Variants in AFAP1 observed in about 807,000 individuals in gnomAD.
AFAP1 encodes the protein actin filament-associated protein 1.
In AFAP1, 75 loss-of-function variants were observed where a neutral mutation model predicts 93.9. The ratio of observed to expected loss-of-function variants is 0.80; its 90% CI spans 0.66 to 0.97. The LOEUF (loss-of-function observed/expected upper bound fraction) is 0.97, where lower values mean the gene tolerates loss of function less well. Among genes scored for constraint, AFAP1 ranks in the 50% least tolerant of loss-of-function variants. The probability of loss-of-function intolerance (pLI) is 0.00; values close to 1 mark genes in which losing one functional copy is unlikely to be tolerated. For missense variants in AFAP1, 1,201 were observed against 1,050.8 expected, an observed-to-expected ratio of 1.14 and a Z score of -1.98; for synonymous variants, 517 against 430.7, an observed-to-expected ratio of 1.20 and a Z score of -2.48.
intron 6 of AFAP1, among the ~76,000 whole-genome samples, chr4:7,820,756 GGAGGGAA>G (rs1320640588): frequency 6.6e-6 from 1 of 152,148 alleles, no homozygotes; most frequent in Admixed American, 6.5e-5. Context: ...GTGAGGATGT[GGAGGGAA>G]GAGGGAGGAG....
rs955748805 is a variant in AFAP1 at position 7,758,945 on chromosome 4, C to T, written c.*4820G>A. 2.6e-5 allele frequency: 4 copies of T among 152,214 alleles called. No individual in the cohort carries two copies. Among genetic ancestry groups the T allele is most frequent in the African/African-American group, 7.2e-5 (3 of 41,424 alleles). 9.4% of individuals were successfully genotyped at this position (152,214 alleles called of 1,614,324 possible). A position where few individuals can be genotyped will look rare whatever the true frequency, so the allele number is the denominator to read the frequency against. Reference sequence around the variant, plus strand: ...GAAACAGTGAAAATATATTTACAGTCATTTGAAGTGGGCACTACTAACATA... The same window carrying T: ...GAAACAGTGAAAATATATTTACAGTTATTTGAAGTGGGCACTACTAACATA... On this transcript the variant is annotated 3_prime_UTR_variant, in exon 18 of 18. Coordinates refer to ENST00000420658, the MANE Select transcript of AFAP1 (RefSeq NM_001134647.2).
In AFAP1 at chr4:7,796,003, G is replaced by A. The variant is rs147849203; in HGVS notation, c.1267-2177C>T. 1.6e-3 allele frequency among the ~76,000 whole-genome samples: 244 copies of A among 152,228 alleles called. 1 individual carries two copies. Among genetic ancestry groups the A allele is most frequent in the African/African-American group, 5.7e-3 (237 of 41,528 alleles). On this transcript the variant is annotated intron_variant, in intron 10 of 17. Transcript: ENST00000420658. Reference sequence around the variant, plus strand: ...TGGGTGCATATATGTATGTATGCATGTACGTGTATATATACACTTGTAAGT... The same window carrying A: ...TGGGTGCATATATGTATGTATGCATATACGTGTATATATACACTTGTAAGT...
chr4:7,766,706 C>T (rs1171261441), intron 17 of AFAP1, among the ~76,000 whole-genome samples: 2 of 152,166 alleles, frequency 1.3e-5, no homozygotes, highest in Non-Finnish European at 2.9e-5. Context: ...CCAGCGCCTG[C>T]CCCTCGGGCA....
intron 1 of AFAP1, among the ~76,000 whole-genome samples, chr4:7,929,232 A>T (rs976448913): frequency 6.6e-6 from 1 of 152,182 alleles, no homozygotes; most frequent in African/African-American, 2.4e-5. Flanking sequence ...AGGAGCAGGC[A>T]GTGATCACTG....
intron 3 of AFAP1, among the ~76,000 whole-genome samples, chr4:7,866,335 A>G (rs1032433837): frequency 2.0e-5 from 3 of 152,054 alleles, no homozygotes; most frequent in Admixed American, 2.0e-4. Context: ...TAGCTGGACT[A>G]CAGCTGCACA....
In AFAP1 at chr4:7,760,228, C is replaced by G. The variant is rs1000900707; in HGVS notation, c.*3537G>C. The G allele has an allele frequency of 6.6e-6, 1 of 152,222 alleles. No individual in the cohort carries two copies. Among genetic ancestry groups the G allele is most frequent in the Non-Finnish European group, 1.5e-5 (1 of 68,046 alleles). 9.4% of individuals were successfully genotyped at this position (152,222 alleles called of 1,614,324 possible). On this transcript the variant is annotated 3_prime_UTR_variant, in exon 18 of 18. Transcript: ENST00000420658. ...CAGACTTTTCAAAAGGAGTAAATCT[C>G]CACATTTTAGGGTAGTTTTTGTCTA...
At chr4:7,774,443 C>A (rs1428355873) in intron 15 of AFAP1, 3 of 383,196 alleles carry the variant, frequency 7.8e-6, no homozygotes, top group Non-Finnish European at 1.4e-5. Flanking sequence ...TCCAGACAAT[C>A]TCTGTTGTCA....
chr4:7,825,070 T>C (rs1383175058), intron 6 of AFAP1, among the ~76,000 whole-genome samples: 2 of 152,236 alleles, frequency 1.3e-5, no homozygotes, highest in African/African-American at 2.4e-5. Flanking sequence ...TAAGGGGTAA[T>C]ACAAATATTA....
chr4:7,819,253 G>A, intron 6 of AFAP1, 82 bp from the exon 7 acceptor site: 7 of 1,256,816 alleles, frequency 5.6e-6, no homozygotes, highest in Non-Finnish European at 7.6e-6. Flanking sequence ...TACAGACAGA[G>A]GCACATGGCG....
chr4:7,800,584 A>G lies in AFAP1; in HGVS notation c.1124T>C (p.Ile375Thr). The G allele has an allele frequency of 2.5e-6, 4 of 1,614,202 alleles. No homozygotes were observed. Among genetic ancestry groups the G allele is most frequent in the Non-Finnish European group, 3.4e-6 (4 of 1,180,034 alleles). ...CAGGTCGGTCCTGTCCTTGTGGAAAATGAGCTTGTTATCTTTCACTCGGCA... is the reference window on the plus strand; with the variant it reads ...CAGGTCGGTCCTGTCCTTGTGGAAAGTGAGCTTGTTATCTTTCACTCGGCA... Reference protein sequence around the residue: ...RWCRVKDNKLIFHKDRTDLKT... With the variant: ...RWCRVKDNKLTFHKDRTDLKT... The change falls in exon 10 of 18, where the codon ATT (isoleucine) becomes ACT (threonine). Residue 375 changes from isoleucine (I) to threonine (T), a missense_variant. Physicochemically the swap from Ile to Thr is moderately conservative, Grantham distance 89. Transcript: ENST00000420658.
intron 10 of AFAP1, 53 bp from the exon 11 acceptor site, chr4:7,793,879 TTC>T: frequency 6.9e-7 from 1 of 1,443,594 alleles, no homozygotes; most frequent in Non-Finnish European, 9.3e-7. Flanking sequence ...TTTTTACATT[TTC>T]ATAAATGTGT....
chr4:7,846,540 T>G (rs1296818805), intron 4 of AFAP1, among the ~76,000 whole-genome samples: 1 of 152,228 alleles, frequency 6.6e-6, no homozygotes, highest in African/African-American at 2.4e-5. Context: ...CCCTCAGGGC[T>G]CGGCCCACTT....
At position 7,872,096 on chromosome 4, in the gene AFAP1, G is replaced by T; in HGVS notation, c.-2-16C>A. The T allele has an allele frequency of 6.2e-7, 1 of 1,613,626 alleles. No individual in the cohort carries two copies. Among genetic ancestry groups the T allele is most frequent in the Non-Finnish European group, 8.5e-7 (1 of 1,179,908 alleles). The stretch of plus-strand genomic sequence containing the variant: ...TCTTCCATTGCTGACAACAAAAGAG[G>T]AAGAGTATTATTAGACCCAGTGATT... On this transcript the variant is annotated splice_polypyrimidine_tract_variant and intron_variant, in intron 1 of 17. Transcript: ENST00000420658.
intron 8 of AFAP1, 58 bp downstream of exon 8, chr4:7,815,960 T>G: frequency 6.2e-6 from 9 of 1,454,616 alleles, no homozygotes; most frequent in African/African-American, 1.5e-5. Flanking sequence ...TGGCTGTAGA[T>G]TTTTGTTTTT....
intron 11 of AFAP1, among the ~76,000 whole-genome samples, chr4:7,793,209 C>T (rs963860225): frequency 7.0e-4 from 106 of 152,068 alleles, no homozygotes; most frequent in African/African-American, 2.3e-3. Context: ...AAGTACTTGA[C>T]GGATAGCTTT....
At chr4:7,813,417 GTTGTTC>G (rs1394825324) in intron 8 of AFAP1, among the ~76,000 whole-genome samples, 1 of 152,194 alleles carries the variant, frequency 6.6e-6, no homozygotes, top group African/African-American at 2.4e-5. Flanking sequence ...AGCATAGAAG[GTTGTTC>G]TTGTTAAGAG....
intron 9 of AFAP1, among the ~76,000 whole-genome samples, chr4:7,803,194 G>A (rs1719212076): frequency 6.6e-6 from 1 of 152,204 alleles, no homozygotes; most frequent in African/African-American, 2.4e-5. Context: ...AGGAAGGCAA[G>A]GAGTCCCCTC....
chr4:7,786,651 G>A (rs926477899), intron 11 of AFAP1, among the ~76,000 whole-genome samples: 6 of 152,048 alleles, frequency 3.9e-5, no homozygotes, highest in Non-Finnish European at 5.9e-5. Context: ...GGTACACGCA[G>A]CAAAGTCTGC....
At chr4:7,883,091 A>G (rs13137140) in intron 1 of AFAP1, among the ~76,000 whole-genome samples, 17,342 of 149,682 alleles carry the variant, frequency 0.12, 1,159 homozygotes, top group Non-Finnish European at 0.16. Context: ...AGGCTGAGGC[A>G]GGAGGATCAC....
Sources: gnomAD v4.1 joint callset for allele counts (sites outside exome capture counted in the v4.1 genomes callset) on GRCh38, gnomAD v4.1.1 for gene constraint, MANE v1.5 for transcripts, NCBI Gene and HGNC (gene_info 2026-07-23, HGNC 2026-07-21) for gene names.